The following SERPINB8 variants were observed in gnomAD, a reference collection of about 807,000 sequenced individuals.
SERPINB8 encodes the protein serpin B8.
A neutral mutation model predicts 35.3 loss-of-function variants in SERPINB8; 25 were observed. That is an observed-to-expected ratio of 0.71 (90% CI 0.52 to 0.99). SERPINB8 has a LOEUF of 0.99. Ranked by LOEUF, SERPINB8 falls within the 50% of genes least tolerant of loss-of-function variation. The pLI, the probability that SERPINB8 is intolerant of heterozygous loss-of-function variation, is 0.00. For synonymous variants in SERPINB8, 186 were observed against 160.8 expected (o/e 1.16, Z -1.19); for missense variants, 484 against 446.5 (o/e 1.08, Z -0.76).
At chr18:63,984,334 C>T (rs1324113396) in intron 5 of SERPINB8, among the ~76,000 whole-genome samples, 2 of 152,144 alleles carry the variant, frequency 1.3e-5, no homozygotes, top group Non-Finnish European at 2.9e-5. Flanking sequence ...TTGCATGATG[C>T]TATTACTCTC....
chr18:64,018,622 T>C (rs1419908472), intron 7 of SERPINB8, among the ~76,000 whole-genome samples: 1 of 152,248 alleles, frequency 6.6e-6, no homozygotes, highest in Non-Finnish European at 1.5e-5. Flanking sequence ...TTTTGTTTAC[T>C]GTTTTGCAGA....
chr18:64,009,144 A>C (rs1488139186), downstream of SERPINB8, among the ~76,000 whole-genome samples: 1 of 152,236 alleles, frequency 6.6e-6, no homozygotes, highest in Non-Finnish European at 1.5e-5. Context: ...ACAAAAAATA[A>C]GCAAGATTGT....
At chr18:63,984,987 C>G in intron 5 of SERPINB8, 106 bp from the exon 6 acceptor site, 1 of 1,070,374 alleles carries the variant, frequency 9.3e-7, no homozygotes, top group Non-Finnish European at 1.4e-6. Flanking sequence ...CATAAATGTG[C>G]AGAAACAGTA....
chr18:63,973,455 G>C (rs1301531808), intron 1 of SERPINB8, among the ~76,000 whole-genome samples: 1 of 152,176 alleles, frequency 6.6e-6, no homozygotes, highest in African/African-American at 2.4e-5. Context: ...TGTTTACTCT[G>C]ATGGTAGTTT....
downstream of SERPINB8, among the ~76,000 whole-genome samples, chr18:63,990,221 G>A (rs949660494): frequency 5.3e-5 from 8 of 151,410 alleles, no homozygotes; most frequent in Non-Finnish European, 1.5e-5. Flanking sequence ...GACTACAGGC[G>A]TGTGCCACCA....
At position 63,988,217 on chromosome 18, in the gene SERPINB8, ATTTATAAGCAT is replaced by A. The variant is rs1321420852; in HGVS notation, c.*944_*954del. On this transcript the variant is annotated 3_prime_UTR_variant, in exon 7 of 7. Coordinates refer to ENST00000397985, the MANE Select transcript of SERPINB8 (RefSeq NM_002640.4). ...CCCTATTATGTGTATGCAAATAGAA[ATTTATAAGCAT>A]TTTACTACAAGTTAATCATATCCTT... 1 of 152,178 alleles carries A rather than the reference ATTTATAAGCAT, an allele frequency of 6.6e-6. No homozygotes were observed. Among genetic ancestry groups the A allele is most frequent in the African/African-American group, 2.4e-5 (1 of 41,432 alleles). 9.4% of individuals were successfully genotyped at this position (152,178 alleles called of 1,614,324 possible). A position where few individuals can be genotyped will look rare whatever the true frequency, so the allele number is the denominator to read the frequency against.
At chr18:64,001,411 C>CACT (rs1362422902) in intron 1 of SERPINB8, among the ~76,000 whole-genome samples, 3 of 152,238 alleles carry the variant, frequency 2.0e-5, no homozygotes, top group South Asian at 2.1e-4. Context: ...GGACCTAAGG[C>CACT]ACTACTGTAA....
Position 63,981,796 on chromosome 18 carries a change from T to A in SERPINB8, c.382T>A (p.Cys128Ser), listed in dbSNP as rs2050675910. The A allele has an allele frequency of 6.2e-7, 1 of 1,613,546 alleles. No individual in the cohort carries two copies. The highest frequency in any genetic ancestry group is 1.3e-5 in the African/African-American group (1 of 74,850). Residue 128 changes from cysteine to serine, a missense_variant, in exon 4 of 7, where the codon TGC becomes AGC. Coordinates refer to ENST00000397985, the MANE Select transcript of SERPINB8 (RefSeq NM_002640.4). ...GTCCTTTGCTGAAGACACTGAAGAG[T>A]GCAGGAAGCATATAAATGACTGGGT... ...ELSFAEDTEE[C>S]RKHINDWVAE...
At chr18:63,979,356 T>TC (rs1477173534) in intron 2 of SERPINB8, among the ~76,000 whole-genome samples, 3 of 152,228 alleles carry the variant, frequency 2.0e-5, no homozygotes, top group African/African-American at 7.2e-5. Flanking sequence ...TTGTAATTCA[T>TC]CCCAGTTACT....
At chr18:63,972,645 C>T (rs1032138739) in intron 1 of SERPINB8, among the ~76,000 whole-genome samples, 3 of 149,684 alleles carry the variant, frequency 2.0e-5, no homozygotes, top group South Asian at 2.2e-4. Flanking sequence ...ACATCCCCCC[C>T]GCCCACCCCA....
At chr18:63,970,554 G>T (rs2050453095) in intron 1 of SERPINB8, 1 of 152,850 alleles carries the variant, frequency 6.5e-6, no homozygotes, top group East Asian at 1.9e-4. Context: ...GGAGCGGGGG[G>T]TGACGCGAGC....
chr18:63,990,620 C>T (rs1467723734), downstream of SERPINB8, among the ~76,000 whole-genome samples: 5 of 151,868 alleles, frequency 3.3e-5, no homozygotes. Context: ...CACCCATTAA[C>T]TCGTCATTTA....
rs1432502220 is a variant in SERPINB8, at chr18:63,978,305, T to C, written c.-4T>C. 1 of 1,614,194 alleles carries C rather than the reference T, an allele frequency of 6.2e-7. No individual in the cohort carries two copies. Among genetic ancestry groups the C allele is most frequent in the Non-Finnish European group, 8.5e-7 (1 of 1,180,026 alleles). On this transcript the variant is annotated 5_prime_UTR_variant, in exon 2 of 7. Transcript: ENST00000397985. Reference sequence around the variant, plus strand: ...TGCTGTGCCTTTGATGCAGACCTTCTCTGATGGATGACCTCTGTGAAGCAA... The same window carrying C: ...TGCTGTGCCTTTGATGCAGACCTTCCCTGATGGATGACCTCTGTGAAGCAA...
intron 7 of SERPINB8, among the ~76,000 whole-genome samples, chr18:64,011,513 A>G (rs2050925802): frequency 6.6e-6 from 1 of 152,158 alleles, no homozygotes; most frequent in Non-Finnish European, 1.5e-5. Context: ...ATTTTTGTAT[A>G]TCTTCATGCT....
intron 7 of SERPINB8, among the ~76,000 whole-genome samples, chr18:64,015,238 G>C (rs1256046143): frequency 6.6e-6 from 1 of 152,164 alleles, no homozygotes; most frequent in African/African-American, 2.4e-5. Context: ...TTCAACTTCA[G>C]CCCTGACCAG....
At chr18:64,015,870 C>G (rs2144853382) in intron 7 of SERPINB8, among the ~76,000 whole-genome samples, 1 of 152,302 alleles carries the variant, frequency 6.6e-6, no homozygotes, top group South Asian at 2.1e-4. Context: ...TTTAGGCGAG[C>G]CTACTTAAGT....
chr18:64,013,188 C>T (rs4940602), intron 7 of SERPINB8, among the ~76,000 whole-genome samples: 1 of 151,080 alleles, frequency 6.6e-6, no homozygotes, highest in African/African-American at 2.4e-5. Flanking sequence ...TTCTTCCCCC[C>T]GCTCCAGTCA....
downstream of SERPINB8, among the ~76,000 whole-genome samples, chr18:64,007,831 C>T (rs1000193824): frequency 1.3e-5 from 2 of 152,138 alleles, no homozygotes; most frequent in African/African-American, 4.8e-5. Flanking sequence ...ACCTCCAACA[C>T]TGGGGATTAC....
downstream of SERPINB8, among the ~76,000 whole-genome samples, chr18:64,007,470 C>T (rs371054051): frequency 6.6e-5 from 10 of 152,260 alleles, no homozygotes; most frequent in South Asian, 4.1e-4. Flanking sequence ...TACTCTTCAA[C>T]TAATTTTATA....
Sources: gnomAD v4.1 joint callset for allele counts (sites outside exome capture counted in the v4.1 genomes callset) on GRCh38, gnomAD v4.1.1 for gene constraint, MANE v1.5 for transcripts, NCBI Gene and HGNC (gene_info 2026-07-23, HGNC 2026-07-21) for gene names.